TMEM117: variants seen among roughly 807,000 people sequenced by gnomAD.
The protein encoded by TMEM117 is transmembrane protein 117.
A neutral mutation model predicts 52.4 loss-of-function variants in TMEM117; 27 were observed. The ratio of observed to expected loss-of-function variants is 0.51; its 90% CI spans 0.38 to 0.71. The LOEUF (loss-of-function observed/expected upper bound fraction) is 0.71, where lower values mean the gene tolerates loss of function less well. Among genes scored for constraint, TMEM117 ranks in the 30% least tolerant of loss-of-function variants. TMEM117 has a pLI of 0.00. For synonymous variants in TMEM117, 215 were observed against 206.3 expected, an observed-to-expected ratio of 1.04 and a Z score of -0.36; for missense variants, 556 against 630.5, an observed-to-expected ratio of 0.88 and a Z score of 1.26.
intron 5 of TMEM117, among the ~76,000 whole-genome samples, chr12:44,282,491 A>G (rs1333168083): frequency 3.9e-5 from 6 of 152,202 alleles, no homozygotes; most frequent in Non-Finnish European, 8.8e-5. Context: ...ACTGGAGTAA[A>G]GGTGACTCTT....
intron 2 of TMEM117, among the ~76,000 whole-genome samples, chr12:43,880,110 AAGCT>A (rs1943870553): frequency 1.3e-5 from 2 of 152,172 alleles, no homozygotes; most frequent in African/African-American, 2.4e-5. Flanking sequence ...AAAATTTTCC[AAGCT>A]TTAGTTTTCT....
At chr12:44,155,993 T>C (rs1171175532) in intron 4 of TMEM117, among the ~76,000 whole-genome samples, 1 of 152,054 alleles carries the variant, frequency 6.6e-6, no homozygotes, top group Non-Finnish European at 1.5e-5. Flanking sequence ...TTCTGTCCAC[T>C]AAAATTCAGG....
intron 6 of TMEM117, among the ~76,000 whole-genome samples, chr12:44,366,448 A>T (rs76787060): frequency 3.3e-5 from 5 of 152,016 alleles, no homozygotes; most frequent in Admixed American, 6.6e-5. Flanking sequence ...TTTTCAATTC[A>T]CTGAGGAAAT....
chr12:44,228,304 T>C (rs1949888938), intron 5 of TMEM117, among the ~76,000 whole-genome samples: 1 of 152,008 alleles, frequency 6.6e-6, no homozygotes, highest in Non-Finnish European at 1.5e-5. Context: ...AAAAAGTAGA[T>C]AGATTCTAGA....
chr12:44,104,500 AT>A (rs1947918893), intron 3 of TMEM117, among the ~76,000 whole-genome samples: 1 of 151,404 alleles, frequency 6.6e-6, no homozygotes, highest in Non-Finnish European at 1.5e-5. Context: ...ATGTAAACTT[AT>A]TTAAGTCCCA....
chr12:43,873,883 C>T (rs1943747827), intron 2 of TMEM117, among the ~76,000 whole-genome samples: 1 of 151,960 alleles, frequency 6.6e-6, no homozygotes, highest in Non-Finnish European at 1.5e-5. Context: ...TCTGCATATA[C>T]TTGTTTTCTC....
chr12:43,957,026 C>T (rs1945319556), intron 3 of TMEM117, among the ~76,000 whole-genome samples: 1 of 152,090 alleles, frequency 6.6e-6, no homozygotes, highest in Non-Finnish European at 1.5e-5. Flanking sequence ...AGATGGAAGC[C>T]ATCATCCTCA....
At chr12:43,915,076 T>TA (rs779483272) in intron 2 of TMEM117, among the ~76,000 whole-genome samples, 1 of 152,194 alleles carries the variant, frequency 6.6e-6, no homozygotes, top group Non-Finnish European at 1.5e-5. Context: ...TAAACAGTGT[T>TA]ACTGCGATTT....
At position 43,891,367 on chromosome 12, in the gene TMEM117, A is replaced by ATTTTTTTTT. The variant is rs772754829; in HGVS notation, c.277+46454_277+46462dup. Among the ~76,000 whole-genome samples the ATTTTTTTTT allele has an allele frequency of 5.0e-4, 29 of 57,796 alleles. 7 individuals are homozygous for ATTTTTTTTT. The highest frequency in any genetic ancestry group is 6.3e-4 in the Non-Finnish European group (20 of 31,912). 37.9% of individuals were successfully genotyped at this position (57,796 alleles called of 152,430 possible). The stretch of plus-strand genomic sequence containing the variant: ...ATTTCTTTTGGGAAATACCTCTTGA[A>ATTTTTTTTT]TTTTTTTTTTTTTTTTTTTTTTTGA... On this transcript the variant is annotated intron_variant, in intron 2 of 7. Transcript: ENST00000266534.
At chr12:43,804,274 C>T in the TMEM117 span, 1 of 530,606 alleles carries the variant, frequency 1.9e-6, no homozygotes, top group Admixed American at 2.7e-5. Flanking sequence ...GAAGAAGTCA[C>T]ATCAAAAAAC....
At chr12:44,328,003 G>T (rs1690312964) in intron 6 of TMEM117, among the ~76,000 whole-genome samples, 1 of 152,156 alleles carries the variant, frequency 6.6e-6, no homozygotes, top group African/African-American at 2.4e-5. Flanking sequence ...GATTACAAAT[G>T]TGTTTTTCTC....
intron 5 of TMEM117, among the ~76,000 whole-genome samples, chr12:44,249,158 T>C (rs1013342488): frequency 7.2e-5 from 11 of 152,068 alleles, no homozygotes; most frequent in African/African-American, 2.4e-4. Context: ...GAAATAAAGA[T>C]ATTTAATGTA....
intron 3 of TMEM117, among the ~76,000 whole-genome samples, chr12:44,120,243 T>C (rs939817526): frequency 6.6e-6 from 1 of 151,934 alleles, no homozygotes; most frequent in African/African-American, 2.4e-5. Context: ...CCGATGGCTG[T>C]CTTCTATTCT....
chr12:44,101,167 A>T (rs1947854199), intron 3 of TMEM117, among the ~76,000 whole-genome samples: 1 of 148,112 alleles, frequency 6.8e-6, no homozygotes, highest in Non-Finnish European at 1.5e-5. Flanking sequence ...ACCTCCTAAT[A>T]CCACCAAATT....
intron 3 of TMEM117, among the ~76,000 whole-genome samples, chr12:44,133,893 A>G (rs1053998404): frequency 6.6e-6 from 1 of 152,046 alleles, no homozygotes; most frequent in Non-Finnish European, 1.5e-5. Context: ...GCTCTATTCT[A>G]TACTACTAAA....
intron 6 of TMEM117, among the ~76,000 whole-genome samples, chr12:44,311,813 GTATATATATGTATATATGTATA>G (rs1565701523): frequency 1.1e-5 from 1 of 93,292 alleles, no homozygotes; most frequent in Non-Finnish European, 2.0e-5. Context: ...ATGTATATAT[GTATATATATGTATATATGTATA>G]TATGTATATA....
intron 6 of TMEM117, among the ~76,000 whole-genome samples, chr12:44,339,372 T>C (rs1951385941): frequency 6.6e-6 from 1 of 151,872 alleles, no homozygotes; most frequent in African/African-American, 2.4e-5. Context: ...TGCAATGATC[T>C]ACAACATCCA....
At chr12:44,132,045 G>A (rs1232779710) in intron 3 of TMEM117, among the ~76,000 whole-genome samples, 2 of 152,084 alleles carry the variant, frequency 1.3e-5, no homozygotes, top group East Asian at 1.9e-4. Flanking sequence ...GCGATAAAAA[G>A]ATGACTGGGA....
chr12:44,027,814 AGTT>A (rs964494640), intron 3 of TMEM117, among the ~76,000 whole-genome samples: 4 of 152,192 alleles, frequency 2.6e-5, no homozygotes, highest in Admixed American at 1.3e-4. Flanking sequence ...CATGAGTGTG[AGTT>A]CAGGCCTTTG....
Sources: gnomAD v4.1 joint callset for allele counts (sites outside exome capture counted in the v4.1 genomes callset) on GRCh38, gnomAD v4.1.1 for gene constraint, MANE v1.5 for transcripts, NCBI Gene and HGNC (gene_info 2026-07-23, HGNC 2026-07-21) for gene names.